The following RELN variants were observed in gnomAD, a reference collection of about 807,000 sequenced individuals.
RELN encodes reelin.
RELN carries 108 observed loss-of-function variants against 427.6 expected under a neutral mutation model. That is an observed-to-expected ratio of 0.25 (90% CI 0.22 to 0.30). The LOEUF (loss-of-function observed/expected upper bound fraction) is 0.30, where lower values mean the gene tolerates loss of function less well. RELN is among the 10% of genes least tolerant of loss of function. The probability of loss-of-function intolerance (pLI) is 1.00; values close to 1 mark genes in which losing one functional copy is unlikely to be tolerated. For synonymous variants in RELN, 1,524 were observed against 1,513.4 expected (o/e 1.01, Z -0.16); for missense variants, 3,715 against 4,302.8 (o/e 0.86, Z 3.82).
chr7:103,652,856 C>T (rs892573194), intron 13 of RELN, 97 bp from the exon 14 acceptor site: 4 of 1,057,100 alleles, frequency 3.8e-6, no homozygotes, highest in South Asian at 2.6e-5. Flanking sequence ...ATGTACATAA[C>T]TGCCATTTAT....
intron 22 of RELN, among the ~76,000 whole-genome samples, chr7:103,609,821 AATAAT>A (rs1353144886): frequency 6.6e-6 from 1 of 152,340 alleles, no homozygotes; most frequent in Admixed American, 6.5e-5. Flanking sequence ...GATACTACAG[AATAAT>A]ATAATACTTA....
At position 103,839,076 on chromosome 7, in the gene RELN, T is replaced by C. The variant is rs1274055367; in HGVS notation, c.338-5404A>G. Among the ~76,000 whole-genome samples, 3 of 152,326 alleles carry C rather than the reference T, an allele frequency of 2.0e-5. No homozygotes were observed. The East Asian group carries it at 5.8e-4, about 29-fold the overall frequency. Reference sequence around the variant, plus strand: ...TCTAGCCAATAATTTGCATTAGAAATGTGCCTTAGTAAAATGTGTAAAATT... The same window carrying C: ...TCTAGCCAATAATTTGCATTAGAAACGTGCCTTAGTAAAATGTGTAAAATT... On this transcript the variant is annotated intron_variant, in intron 2 of 64. Transcript: ENST00000428762.
chr7:103,580,062 G>A (rs959097453), intron 28 of RELN, among the ~76,000 whole-genome samples: 12 of 152,296 alleles, frequency 7.9e-5, no homozygotes, highest in South Asian at 4.1e-4. Flanking sequence ...GCAAGAGCCC[G>A]GTGAATTAAT....
intron 3 of RELN, among the ~76,000 whole-genome samples, chr7:103,823,446 C>T (rs1793058115): frequency 6.6e-6 from 1 of 151,884 alleles, no homozygotes; most frequent in African/African-American, 2.4e-5. Flanking sequence ...GTTCTTTAAT[C>T]CTTTGCCCTT....
intron 16 of RELN, among the ~76,000 whole-genome samples, chr7:103,641,049 A>G (rs12386572): frequency 0.012 from 1,815 of 152,292 alleles, 52 homozygotes; most frequent in African/African-American, 0.042. Context: ...ACCGTTACAT[A>G]TATTTCTAAA....
Position 103,989,337 on chromosome 7 carries a change from G to A in RELN, c.20C>T (p.Ala7Val). 1.0e-5 allele frequency: 16 copies of A among 1,559,874 alleles called. No individual in the cohort carries two copies. The highest frequency in any genetic ancestry group is 1.4e-5 in the Non-Finnish European group (16 of 1,152,206). The change falls in exon 1 of 65, where the codon GCC (alanine) becomes GTC (valine). Residue 7 changes from alanine (A) to valine (V), a missense_variant. By Grantham distance (64) the Ala-to-Val change is moderately conservative. Transcript: ENST00000428762. This position sits in a 1 kb window ranked among gnomAD's most constrained non-coding sequence, Gnocchi z 4.9. ...CAGCGCTAGGAGGAAAGTCTGCCGG[G>A]CCCAGCCACTGCGCTCCATGCCGCC... MERSGWARQTFLLALLL... is the reference protein window; with the variant it reads MERSGWVRQTFLLALLL...
chr7:103,540,410 A>T lies in RELN; in HGVS notation c.6717T>A (p.Pro2239=), dbSNP rs777533773. Residue 2239 remains proline (P), a synonymous_variant, in exon 44 of 65, where the codon CCT becomes CCA. Coordinates refer to ENST00000428762, the MANE Select transcript of RELN (RefSeq NM_005045.4). The part of the protein sequence containing the change: ...FMRLGCGKGV[P]DPRSQPVLLQ... ...GGAGCACGGGTTGACTCCTGGGGTCAGGAACGCCTTTACCACATCCCAGTC... is the reference window on the plus strand; with the variant it reads ...GGAGCACGGGTTGACTCCTGGGGTCTGGAACGCCTTTACCACATCCCAGTC... 1 of 1,614,150 alleles carries T rather than the reference A, an allele frequency of 6.2e-7. No homozygotes were observed.
At chr7:103,941,936 C>T (rs1184874453) in intron 1 of RELN, among the ~76,000 whole-genome samples, 1 of 151,110 alleles carries the variant, frequency 6.6e-6, no homozygotes, top group Non-Finnish European at 1.5e-5. Context: ...TGTCAAAATA[C>T]TATATTATCA....
intron 3 of RELN, among the ~76,000 whole-genome samples, chr7:103,787,059 C>A (rs1050406867): frequency 1.3e-5 from 2 of 152,192 alleles, no homozygotes; most frequent in African/African-American, 2.4e-5. Flanking sequence ...CAAAACCTCA[C>A]AACTACATGG....
intron 64 of RELN, among the ~76,000 whole-genome samples, chr7:103,477,430 A>G (rs1266144162): frequency 6.6e-6 from 1 of 152,248 alleles, no homozygotes; most frequent in African/African-American, 2.4e-5. Flanking sequence ...GGTAGAACAA[A>G]TAATGATTTA....
intron 2 of RELN, among the ~76,000 whole-genome samples, chr7:103,858,262 G>A (rs531528495): frequency 2.6e-5 from 4 of 152,042 alleles, no homozygotes; most frequent in Admixed American, 6.6e-5. Context: ...CTACAAAATG[G>A]GATTATAACA....
chr7:103,781,865 G>T (rs1791899131), intron 3 of RELN, among the ~76,000 whole-genome samples: 1 of 151,764 alleles, frequency 6.6e-6, no homozygotes, highest in Admixed American at 6.6e-5. Context: ...CTCTCGGGGG[G>T]AAGGTCCATC....
At chr7:103,576,859 G>C (rs756948011) in intron 28 of RELN, among the ~76,000 whole-genome samples, 7 of 152,140 alleles carry the variant, frequency 4.6e-5, no homozygotes, top group Admixed American at 6.5e-5. Flanking sequence ...GTTGCCAATA[G>C]TTTTGAGGTT....
chr7:103,791,605 T>C (rs1482413515), intron 3 of RELN, among the ~76,000 whole-genome samples: 2 of 152,118 alleles, frequency 1.3e-5, no homozygotes, highest in Non-Finnish European at 2.9e-5. Flanking sequence ...GATTTAAGTG[T>C]AATATAACTA....
chr7:103,561,749 C>T (rs369925151), intron 35 of RELN, 40 bp from the exon 36 acceptor site: 15 of 1,613,412 alleles, frequency 9.3e-6, no homozygotes, highest in Non-Finnish European at 1.1e-5. Flanking sequence ...ATTTGTCACA[C>T]GTTCAACAAG....
intron 1 of RELN, among the ~76,000 whole-genome samples, chr7:103,943,561 A>G (rs2116742520): frequency 6.6e-6 from 1 of 152,170 alleles, no homozygotes; most frequent in Admixed American, 6.5e-5. Context: ...TCCACTTAGA[A>G]GTAATGAGGC....
intron 2 of RELN, among the ~76,000 whole-genome samples, chr7:103,852,977 A>G (rs1489121122): frequency 6.6e-6 from 1 of 152,000 alleles, no homozygotes; most frequent in Admixed American, 6.6e-5. Context: ...CACATGATGT[A>G]TACTACTACT....
chr7:103,918,204 G>A (rs961733724), intron 1 of RELN, among the ~76,000 whole-genome samples: 3 of 152,194 alleles, frequency 2.0e-5, no homozygotes, highest in African/African-American at 7.2e-5. Context: ...CTGACATCAT[G>A]CTACTCCCAT....
chr7:103,887,361 A>G (rs755955131), intron 2 of RELN, among the ~76,000 whole-genome samples: 5 of 152,204 alleles, frequency 3.3e-5, no homozygotes, highest in South Asian at 2.1e-4. Flanking sequence ...ACGTCAAAGG[A>G]TGCAGAATGG....
Sources: allele counts gnomAD v4.1 joint callset (sites outside exome capture counted in the v4.1 genomes callset), GRCh38; gene constraint gnomAD v4.1.1; non-coding constraint Gnocchi (gnomAD v3.1); transcripts MANE v1.5; gene names NCBI Gene and HGNC (gene_info 2026-07-23, HGNC 2026-07-21).